Variants in PGM3 observed in about 807,000 individuals in gnomAD.
PGM3 encodes phosphoacetylglucosamine mutase.
Under a neutral mutation model 66.2 loss-of-function variants are expected in PGM3, and 40 were observed. That is an observed-to-expected ratio of 0.60 (90% CI 0.47 to 0.79). PGM3 has a LOEUF of 0.79. PGM3 is among the 30% of genes least tolerant of loss of function. The pLI, the probability that PGM3 is intolerant of heterozygous loss-of-function variation, is 0.00. For synonymous variants in PGM3, 191 were observed against 224.2 expected (o/e 0.85, Z 1.32); for missense variants, 537 against 643.4 (o/e 0.83, Z 1.79).
At position 83,167,790 on chromosome 6, in the gene PGM3, T is replaced by C. The variant is rs999961072; in HGVS notation, c.*1444A>G. On this transcript the variant is annotated 3_prime_UTR_variant, in exon 13 of 13. Transcript: ENST00000513973. ...TTTCTTGACCAATTGCCAAAGTTTA[T>C]ATATTTTTAATTTTTCTAACATACC... The C allele has an allele frequency of 4.7e-6, 7 of 1,479,092 alleles. No homozygotes were observed. Among genetic ancestry groups the C allele is most frequent in the African/African-American group, 1.4e-5 (1 of 70,214 alleles). 91.6% of individuals were successfully genotyped at this position (1,479,092 alleles called of 1,614,324 possible).
At chr6:83,177,198 T>C (rs996544270) in intron 8 of PGM3, among the ~76,000 whole-genome samples, 1 of 152,192 alleles carries the variant, frequency 6.6e-6, no homozygotes, top group Non-Finnish European at 1.5e-5. Context: ...GACTTTGTAA[T>C]TCCTGCTTTC....
At chr6:83,152,906 C>T in the PGM3 span, among the ~76,000 whole-genome samples, 1 of 152,180 alleles carries the variant, frequency 6.6e-6, no homozygotes, top group Non-Finnish European at 1.5e-5. Flanking sequence ...GCATGAGCCA[C>T]CGCGCCCGGC....
chr6:83,160,102 CAG>C (rs1490519569), downstream of PGM3: 41 of 818,158 alleles, frequency 5.0e-5, no homozygotes, highest in South Asian at 6.9e-4. Flanking sequence ...TTTGGCACAG[CAG>C]AGTTATCGGA....
downstream of PGM3, chr6:83,164,650 C>G: frequency 6.4e-7 from 1 of 1,565,050 alleles, no homozygotes; most frequent in Non-Finnish European, 8.7e-7. Context: ...TCTCCTCTTT[C>G]CTTCCACAGG....
downstream of PGM3, chr6:83,162,780 C>G (rs9449584): frequency 4.1e-3 from 6,573 of 1,602,466 alleles, 196 homozygotes; most frequent in African/African-American, 0.07. Context: ...TGTCATTATT[C>G]TATACATAGG....
Position 83,167,985 on chromosome 6 carries a change from G to T in PGM3, c.*1249C>A. The T allele has an allele frequency of 6.2e-7, 1 of 1,614,154 alleles. No homozygotes were observed. ...GCCGTTCTTCAATGTGCTCAGTCAA[G>T]TCTTCAACAGCAAAGTCACAAGCCG... On this transcript the variant is annotated 3_prime_UTR_variant, in exon 13 of 13. Transcript: ENST00000513973.
In PGM3 at chr6:83,178,707, C is replaced by G; in HGVS notation, c.995G>C (p.Gly332Ala). The part of the protein sequence containing the change: ...IGVVQTAYAN[G>A]SSTRYLEEVM... ...TTCTTCAAGATACCGTGTTGAACTTCCATTTGCATATGCAGTTTGTACAAC... is the reference window on the plus strand; with the variant it reads ...TTCTTCAAGATACCGTGTTGAACTTGCATTTGCATATGCAGTTTGTACAAC... Residue 332 changes from glycine (G) to alanine (A), a missense_variant, in exon 8 of 13, where the codon GGA becomes GCA. By Grantham distance (60) the Gly-to-Ala change is moderately conservative. Coordinates refer to ENST00000513973, the MANE Select transcript of PGM3 (RefSeq NM_015599.3). 3 of 1,606,796 alleles carry G rather than the reference C, an allele frequency of 1.9e-6. No homozygotes were observed. Among genetic ancestry groups the G allele is most frequent in the Non-Finnish European group, 2.6e-6 (3 of 1,173,590 alleles).
chr6:83,171,903 A>G, intron 11 of PGM3, 34 bp downstream of exon 11: 1 of 1,554,048 alleles, frequency 6.4e-7, no homozygotes, highest in East Asian at 2.2e-5. Flanking sequence ...CTTAGCTAAT[A>G]TTCAAAAAAG....
At chr6:83,188,137 A>G (rs1317463609) in intron 3 of PGM3, among the ~76,000 whole-genome samples, 1 of 152,244 alleles carries the variant, frequency 6.6e-6, no homozygotes, top group African/African-American at 2.4e-5. Context: ...CATTTTTGTT[A>G]AGAAAGGCAA....
Position 83,182,953 on chromosome 6 carries a change from C to G in PGM3, c.483G>C (p.Gln161His), listed in dbSNP as rs779965097. Residue 161 changes from glutamine (Q) to histidine (H), a missense_variant, in exon 5 of 13, where the codon CAG (glutamine) becomes CAC (histidine). By Grantham distance (24) the Gln-to-His change is conservative. Transcript: ENST00000513973. Reference sequence around the variant, plus strand: ...TTCGACAATACACCATGTAGTGCAGCTGGGGTGTTGTTAACAAGCCATAAT... The same window carrying G: ...TTCGACAATACACCATGTAGTGCAGGTGGGGTGTTGTTAACAAGCCATAAT... ...FHDYGLLTTP[Q>H]LHYMVYCRNT... The G allele has an allele frequency of 6.2e-7, 1 of 1,613,826 alleles. No individual in the cohort carries two copies.
intron 4 of PGM3, 63 bp downstream of exon 4, chr6:83,186,945 T>C (rs762502627): frequency 5.6e-6 from 5 of 887,644 alleles, no homozygotes; most frequent in Non-Finnish European, 8.8e-6. Context: ...AAATATACAT[T>C]ACTTTTGTAA....
chr6:83,158,549 A>T, downstream of PGM3: 1 of 1,579,596 alleles, frequency 6.3e-7, no homozygotes, highest in Non-Finnish European at 8.7e-7. Flanking sequence ...TAAACATTTA[A>T]CATTTCACCA....
At chr6:83,192,562 A>G (rs1262938959) in intron 1 of PGM3, among the ~76,000 whole-genome samples, 1 of 152,224 alleles carries the variant, frequency 6.6e-6, no homozygotes, top group East Asian at 1.9e-4. Flanking sequence ...GCTGGCATTC[A>G]GTAAACTAAT....
downstream of PGM3, chr6:83,160,002 G>A (rs777286370): frequency 1.3e-6 from 2 of 1,599,994 alleles, no homozygotes; most frequent in South Asian, 1.1e-5. Flanking sequence ...TTTTGAAAGT[G>A]CATTTGCTTT....
chr6:83,169,990 G>C, intron 12 of PGM3: 2 of 403,182 alleles, frequency 5.0e-6, no homozygotes, highest in South Asian at 4.4e-5. Flanking sequence ...TTTAAAAGAA[G>C]AGAAAAGGAT....
At chr6:83,190,540 AAATC>A (rs1730683743) in intron 2 of PGM3, 2 of 448,392 alleles carry the variant, frequency 4.5e-6, no homozygotes, top group African/African-American at 4.0e-5. Flanking sequence ...AAAATGTCTT[AAATC>A]AATAAATTTG....
chr6:83,182,938 C>T lies in PGM3; in HGVS notation c.498G>A (p.Val166=), dbSNP rs754265040. Residue 166 remains valine, a synonymous_variant, in exon 5 of 13, where the codon GTG becomes GTA. Transcript: ENST00000513973. ...ATCGGCCACCCGTGTTTCGACAATA[C>T]ACCATGTAGTGCAGCTGGGGTGTTG... ...LLTTPQLHYM[V]YCRNTGGRYG... is the part of the protein sequence containing the mutation. 1.2e-6 allele frequency: 2 copies of T among 1,613,848 alleles called. No individual in the cohort carries two copies. The highest frequency in any genetic ancestry group is 1.7e-5 in the Admixed American group (1 of 60,004).
chr6:83,185,652 G>A (rs966073990), intron 4 of PGM3, among the ~76,000 whole-genome samples: 1 of 152,020 alleles, frequency 6.6e-6, no homozygotes, highest in Non-Finnish European at 1.5e-5. Context: ...CCAGCTACTC[G>A]GGAGGCTGAG....
Position 83,174,357 on chromosome 6 carries a change from G to A in PGM3, c.1242+17C>T, listed in dbSNP as rs1787590394. On this transcript the variant is annotated intron_variant, in intron 10 of 12. Transcript: ENST00000513973. ...ATGTAAAGGTAACCAAGAGTCCACTGCCCCATCAGTTCTGACCTGGTTAAA... is the reference window on the plus strand; with the variant it reads ...ATGTAAAGGTAACCAAGAGTCCACTACCCCATCAGTTCTGACCTGGTTAAA... The A allele has an allele frequency of 5.6e-6, 7 of 1,246,746 alleles. No homozygotes were observed. Among genetic ancestry groups the A allele is most frequent in the Non-Finnish European group, 8.3e-6 (7 of 847,578 alleles). 77.2% of individuals were successfully genotyped at this position (1,246,746 alleles called of 1,614,324 possible). A position where few individuals can be genotyped will look rare whatever the true frequency, so the allele number is the denominator to read the frequency against.
Sources: gnomAD v4.1 joint callset for allele counts (sites outside exome capture counted in the v4.1 genomes callset) on GRCh38, gnomAD v4.1.1 for gene constraint, MANE v1.5 for transcripts, NCBI Gene and HGNC (gene_info 2026-07-23, HGNC 2026-07-21) for gene names.